Variants in TNFSF4 observed in about 807,000 individuals in gnomAD.
TNFSF4 encodes the protein TNF superfamily member 4.
A neutral mutation model predicts 7.3 loss-of-function variants in TNFSF4; 4 were observed. The observed-to-expected ratio is 0.55, with a 90% CI of 0.27 to 1.25. TNFSF4 has a LOEUF of 1.25. TNFSF4 is among the 50% of genes most tolerant of loss of function. The pLI is 0.12. For missense variants in TNFSF4, 181 were observed against 208.8 expected (o/e 0.87, Z 0.82); for synonymous variants, 76 against 83.7 (o/e 0.91, Z 0.50).
At chr1:173,296,251 T>C in the TNFSF4 span, among the ~76,000 whole-genome samples, 11 of 152,098 alleles carry the variant, frequency 7.2e-5, no homozygotes, top group South Asian at 2.3e-3. Context: ...CCAAAGGTGA[T>C]GTCATCAAGC....
the TNFSF4 span, among the ~76,000 whole-genome samples, chr1:173,258,317 C>T: frequency 9.7e-4 from 148 of 151,878 alleles, 2 homozygotes; most frequent in African/African-American, 1.6e-3. Flanking sequence ...GTGGTTAGCA[C>T]GACCTACAAA....
intron 1 of TNFSF4, among the ~76,000 whole-genome samples, chr1:173,196,082 G>A (rs1452541010): frequency 6.6e-6 from 1 of 152,166 alleles, no homozygotes; most frequent in Non-Finnish European, 1.5e-5. Context: ...AGTAGACTGA[G>A]AGGATAGATC....
At chr1:173,221,204 T>C in the TNFSF4 span, among the ~76,000 whole-genome samples, 2 of 152,196 alleles carry the variant, frequency 1.3e-5, no homozygotes, top group Admixed American at 1.3e-4. Context: ...GGCCATAGCA[T>C]TAACAAGTAG....
At chr1:173,285,793 G>A in the TNFSF4 span, among the ~76,000 whole-genome samples, 4 of 152,250 alleles carry the variant, frequency 2.6e-5, no homozygotes, top group African/African-American at 9.6e-5. Flanking sequence ...GTAGGCTACA[G>A]TATAGTATAC....
At position 173,186,727 on chromosome 1, in the gene TNFSF4, T is replaced by C; in HGVS notation, c.341A>G (p.Asn114Ser). 3 of 1,614,174 alleles carry C rather than the reference T, an allele frequency of 1.9e-6. No individual in the cohort carries two copies. The highest frequency in any genetic ancestry group is 2.5e-6 in the Non-Finnish European group (3 of 1,180,024). Residue 114 changes from asparagine (N) to serine (S), a missense_variant, in exon 3 of 3, where the codon AAC becomes AGC. By Grantham distance (46) the Asn-to-Ser change is conservative. Transcript: ENST00000281834. ...ATCCTTCTGGTAATGAAGGCTAATGTTGACTTCCTGGGAGAAGTAGCCCTT... is the reference window on the plus strand; with the variant it reads ...ATCCTTCTGGTAATGAAGGCTAATGCTGACTTCCTGGGAGAAGTAGCCCTT... ...SLKGYFSQEV[N>S]ISLHYQKDEE... is the part of the protein sequence containing the mutation.
the TNFSF4 span, among the ~76,000 whole-genome samples, chr1:173,427,765 T>C: frequency 3.3e-5 from 5 of 152,134 alleles, no homozygotes; most frequent in Non-Finnish European, 7.4e-5. Flanking sequence ...ACTTAGGCTA[T>C]ATGGTACAGC....
chr1:173,214,698 C>A, the TNFSF4 span, among the ~76,000 whole-genome samples: 1 of 152,214 alleles, frequency 6.6e-6, no homozygotes, highest in Non-Finnish European at 1.5e-5. Context: ...ACGGGTTGAA[C>A]AAACTTAAAT....
At chr1:173,221,092 T>C in the TNFSF4 span, among the ~76,000 whole-genome samples, 6 of 152,116 alleles carry the variant, frequency 3.9e-5, no homozygotes, top group African/African-American at 1.4e-4. Context: ...AGGGCTGGTA[T>C]TGGTAAGTCT....
the TNFSF4 span, among the ~76,000 whole-genome samples, chr1:173,270,098 T>C: frequency 6.6e-6 from 1 of 152,128 alleles, no homozygotes; most frequent in East Asian, 1.9e-4. Flanking sequence ...TCAAGAACAA[T>C]CTCAATTGTC....
the TNFSF4 span, among the ~76,000 whole-genome samples, chr1:173,335,432 A>G: frequency 1.3e-5 from 2 of 152,102 alleles, no homozygotes; most frequent in Non-Finnish European, 2.9e-5. Context: ...CCCCCACTGG[A>G]TTAGGATACC....
chr1:173,288,665 T>C, the TNFSF4 span, among the ~76,000 whole-genome samples: 1 of 152,086 alleles, frequency 6.6e-6, no homozygotes. Context: ...CAGAGTACAA[T>C]AAAACTAAGT....
the TNFSF4 span, among the ~76,000 whole-genome samples, chr1:173,409,902 C>T: frequency 1.3e-5 from 2 of 152,138 alleles, no homozygotes; most frequent in East Asian, 1.9e-4. Context: ...ACATGTACAC[C>T]CTCCTGCTGC....
chr1:173,371,586 C>T, the TNFSF4 span, among the ~76,000 whole-genome samples: 1 of 152,108 alleles, frequency 6.6e-6, no homozygotes, highest in Non-Finnish European at 1.5e-5. Flanking sequence ...TATTGTCAGA[C>T]ATTTAAAAGT....
chr1:173,391,502 G>T, the TNFSF4 span, among the ~76,000 whole-genome samples: 2 of 133,134 alleles, frequency 1.5e-5, no homozygotes, highest in African/African-American at 2.8e-5. Flanking sequence ...ATATTCTCAA[G>T]ACTAGTTCCC....
At chr1:173,362,085 A>G in the TNFSF4 span, among the ~76,000 whole-genome samples, 1 of 152,224 alleles carries the variant, frequency 6.6e-6, no homozygotes, top group Non-Finnish European at 1.5e-5. Context: ...CTTAATTTCT[A>G]TGTAAGCATG....
At chr1:173,446,599 A>AC in the TNFSF4 span, among the ~76,000 whole-genome samples, 51 of 151,874 alleles carry the variant, frequency 3.4e-4, 1 homozygote, top group East Asian at 7.9e-3. Context: ...GGAGAGGCAG[A>AC]CCCCCCCTCA....
the TNFSF4 span, among the ~76,000 whole-genome samples, chr1:173,326,148 C>G: frequency 6.6e-6 from 1 of 152,172 alleles, no homozygotes; most frequent in South Asian, 2.1e-4. Context: ...TCCAGCAGCA[C>G]ATCAAAAAGC....
chr1:173,194,349 T>A (rs1429369536), intron 1 of TNFSF4, among the ~76,000 whole-genome samples: 3 of 152,246 alleles, frequency 2.0e-5, no homozygotes, highest in Non-Finnish European at 4.4e-5. Flanking sequence ...TTACTTTTGA[T>A]GAACTTCTAT....
upstream of TNFSF4, among the ~76,000 whole-genome samples, chr1:173,208,533 T>C (rs934262497): frequency 2.6e-5 from 4 of 152,236 alleles, no homozygotes; most frequent in Non-Finnish European, 5.9e-5. Context: ...AATTAATACC[T>C]TCACTACAAT....
Sources: allele counts gnomAD v4.1 joint callset (sites outside exome capture counted in the v4.1 genomes callset), GRCh38; gene constraint gnomAD v4.1.1; transcripts MANE v1.5; gene names NCBI Gene and HGNC (gene_info 2026-07-23, HGNC 2026-07-21).